Variants in CEP112 observed in about 807,000 individuals in gnomAD.
The protein encoded by CEP112 is centrosomal protein of 112 kDa.
A neutral mutation model predicts 153.0 loss-of-function variants in CEP112; 127 were observed. That is an observed-to-expected ratio of 0.83 (90% CI 0.72 to 0.96). The LOEUF is 0.96. Ranked by LOEUF, CEP112 falls within the 40% of genes least tolerant of loss-of-function variation. The pLI, the probability that CEP112 is intolerant of heterozygous loss-of-function variation, is 0.00. For missense variants in CEP112, 1,089 were observed against 1,101.2 expected (o/e 0.99, Z 0.16); for synonymous variants, 358 against 374.4 (o/e 0.96, Z 0.51).
At chr17:65,804,286 C>T (rs908060603) in intron 21 of CEP112, 6 of 151,948 alleles carry the variant, frequency 3.9e-5, no homozygotes. Context: ...TTAGATGAGC[C>T]GCTCATAACA....
intron 23 of CEP112, among the ~76,000 whole-genome samples, chr17:65,720,651 C>T (rs1343866368): frequency 6.6e-6 from 1 of 152,060 alleles, no homozygotes. Flanking sequence ...CAGACAGAAG[C>T]TAGAAGGGAA....
intron 4 of CEP112, among the ~76,000 whole-genome samples, chr17:66,153,636 C>T (rs2071303240): frequency 6.6e-6 from 1 of 152,070 alleles, no homozygotes; most frequent in African/African-American, 2.4e-5. Context: ...CAAGTAAAAA[C>T]TGGTGAGCTA....
At chr17:65,969,541 TTAAA>T (rs924321935) in intron 17 of CEP112, among the ~76,000 whole-genome samples, 7 of 152,086 alleles carry the variant, frequency 4.6e-5, no homozygotes, top group African/African-American at 1.5e-4. Context: ...TGTATGTTAC[TTAAA>T]TGAATATTGT....
chr17:66,095,510 C>T (rs764263072), intron 8 of CEP112, among the ~76,000 whole-genome samples: 3 of 151,900 alleles, frequency 2.0e-5, no homozygotes, highest in South Asian at 2.1e-4. Flanking sequence ...TGAGGCCAGG[C>T]GACAAGGAGT....
At position 66,028,297 on chromosome 17, in the gene CEP112, G is replaced by C; in HGVS notation, c.1596+16C>G. On this transcript the variant is annotated intron_variant, in intron 15 of 26. Coordinates refer to ENST00000535342, the MANE Select transcript of CEP112 (RefSeq NM_001199165.4). Reference sequence around the variant, plus strand: ...TGTTTGACCATTGTTCTTCTGTGTAGAAATACAAGACTCACCCTTAGTTGT... The same window carrying C: ...TGTTTGACCATTGTTCTTCTGTGTACAAATACAAGACTCACCCTTAGTTGT... 6.8e-7 allele frequency: 1 copy of C among 1,464,478 alleles called. No homozygotes were observed. The highest frequency in any genetic ancestry group is 9.5e-7 in the Non-Finnish European group (1 of 1,055,710). 90.7% of individuals were successfully genotyped at this position (1,464,478 alleles called of 1,614,324 possible).
intron 21 of CEP112, among the ~76,000 whole-genome samples, chr17:65,788,141 T>G (rs1343008230): frequency 6.6e-6 from 1 of 152,236 alleles, no homozygotes; most frequent in African/African-American, 2.4e-5. Context: ...TTTTGCCAAA[T>G]GCTTTTCTTT....
chr17:66,061,130 A>G (rs2066906825), intron 11 of CEP112, among the ~76,000 whole-genome samples: 1 of 152,306 alleles, frequency 6.6e-6, no homozygotes, highest in East Asian at 1.9e-4. Flanking sequence ...GGACCTAAAT[A>G]GACATTTCTC....
At chr17:65,847,061 T>G (rs1477353703) in intron 21 of CEP112, among the ~76,000 whole-genome samples, 3 of 152,190 alleles carry the variant, frequency 2.0e-5, no homozygotes, top group Admixed American at 6.5e-5. Context: ...ATATGGACTC[T>G]GAGGTTGGTG....
chr17:65,681,187 G>A (rs1281199233), intron 24 of CEP112, among the ~76,000 whole-genome samples: 1 of 152,156 alleles, frequency 6.6e-6, no homozygotes, highest in African/African-American at 2.4e-5. Flanking sequence ...GAAGATGACA[G>A]ATCGGGTCCT....
At chr17:65,977,802 C>T (rs1024140179) in intron 17 of CEP112, among the ~76,000 whole-genome samples, 27 of 152,076 alleles carry the variant, frequency 1.8e-4, no homozygotes, top group Admixed American at 3.9e-4. Context: ...AGGCCAGGTG[C>T]GGTGGCTCAC....
intron 21 of CEP112, among the ~76,000 whole-genome samples, chr17:65,850,133 G>C (rs752802145): frequency 7.8e-6 from 1 of 127,392 alleles, no homozygotes; most frequent in Non-Finnish European, 1.6e-5. Context: ...CAGCCTGGGC[G>C]ACAGAGTGAG....
At chr17:65,662,128 C>T (rs2046421020) in intron 24 of CEP112, among the ~76,000 whole-genome samples, 1 of 152,072 alleles carries the variant, frequency 6.6e-6, no homozygotes, top group Non-Finnish European at 1.5e-5. Context: ...ACCACCACGC[C>T]TGACTAAGTT....
intron 23 of CEP112, among the ~76,000 whole-genome samples, chr17:65,732,890 C>T (rs2050590504): frequency 1.3e-5 from 2 of 152,196 alleles, no homozygotes; most frequent in Non-Finnish European, 2.9e-5. Flanking sequence ...CAATTTTCTC[C>T]ATATCACCAC....
chr17:65,888,499 C>CGATCT (rs138858974), intron 20 of CEP112, among the ~76,000 whole-genome samples: 1 of 149,872 alleles, frequency 6.7e-6, no homozygotes, highest in Non-Finnish European at 1.5e-5. Context: ...TTAAGATGAT[C>CGATCT]TTTTTTTTTT....
At chr17:65,789,559 A>C (rs1339103657) in intron 21 of CEP112, among the ~76,000 whole-genome samples, 1 of 151,882 alleles carries the variant, frequency 6.6e-6, no homozygotes, top group African/African-American at 2.4e-5. Flanking sequence ...TCTACCTTTT[A>C]TGCCTCTGTG....
chr17:66,115,514 C>G (rs1445199584), intron 6 of CEP112, among the ~76,000 whole-genome samples: 1 of 152,202 alleles, frequency 6.6e-6, no homozygotes, highest in Non-Finnish European at 1.5e-5. Context: ...TAGAAATGTG[C>G]TCTTCTGGTC....
intron 15 of CEP112, 105 bp downstream of exon 15, chr17:66,028,208 C>A: frequency 1.5e-6 from 1 of 653,520 alleles, no homozygotes; most frequent in Non-Finnish European, 2.7e-6. Context: ...GAAAAGATGA[C>A]CTGCATTTCT....
intron 8 of CEP112, among the ~76,000 whole-genome samples, chr17:66,071,809 T>G (rs1198619075): frequency 6.6e-6 from 1 of 151,994 alleles, no homozygotes; most frequent in African/African-American, 2.4e-5. Context: ...TACACAAAGA[T>G]TAGAAATCAC....
At chr17:65,710,933 T>TC (rs1390211258) in intron 23 of CEP112, among the ~76,000 whole-genome samples, 1 of 152,204 alleles carries the variant, frequency 6.6e-6, no homozygotes, top group Non-Finnish European at 1.5e-5. Context: ...AACTAATTAA[T>TC]TCCTGTGGAG....
Sources: gnomAD v4.1 joint callset for allele counts (sites outside exome capture counted in the v4.1 genomes callset) on GRCh38, gnomAD v4.1.1 for gene constraint, MANE v1.5 for transcripts, NCBI Gene and HGNC (gene_info 2026-07-23, HGNC 2026-07-21) for gene names.